RAPGEF5: variants seen among roughly 807,000 people sequenced by gnomAD.
RAPGEF5 encodes M-Ras-regulated GEF.
RAPGEF5 carries 65 observed loss-of-function variants against 125.2 expected under a neutral mutation model. The ratio of observed to expected loss-of-function variants is 0.52; its 90% confidence interval spans 0.43 to 0.64. The LOEUF is 0.64. RAPGEF5 is among the 30% of genes least tolerant of loss of function. The pLI is 0.00. For missense variants in RAPGEF5, 958 were observed against 1,048.1 expected, an observed-to-expected ratio of 0.91 and a Z score of 1.19; for synonymous variants, 391 against 385.9, an observed-to-expected ratio of 1.01 and a Z score of -0.16.
chr7:22,261,997 G>C (rs1025272748), intron 7 of RAPGEF5, among the ~76,000 whole-genome samples: 1 of 152,092 alleles, frequency 6.6e-6, no homozygotes, highest in African/African-American at 2.4e-5. Context: ...CTAGAGCTAG[G>C]TAAATAGTTC....
intron 10 of RAPGEF5, 173 bp downstream of exon 10, chr7:22,193,742 A>C (rs1196710108): frequency 1.9e-6 from 3 of 1,560,974 alleles, no homozygotes; most frequent in Admixed American, 1.9e-5. Context: ...AACTGAGTCC[A>C]TCTGGCTGCT....
intron 7 of RAPGEF5, among the ~76,000 whole-genome samples, chr7:22,256,086 TC>T (rs1410776899): frequency 6.6e-6 from 1 of 152,162 alleles, no homozygotes; most frequent in African/African-American, 2.4e-5. Context: ...CTGCTGGTGT[TC>T]TTTGTAGAGC....
At chr7:22,314,182 T>C (rs1172380280) in intron 3 of RAPGEF5, among the ~76,000 whole-genome samples, 1 of 152,140 alleles carries the variant, frequency 6.6e-6, no homozygotes, top group Non-Finnish European at 1.5e-5. Flanking sequence ...CAGAAGAATA[T>C]AGATTCTGCC....
chr7:22,254,439 T>C (rs1442408817), intron 7 of RAPGEF5, among the ~76,000 whole-genome samples: 2 of 150,192 alleles, frequency 1.3e-5, no homozygotes, highest in Non-Finnish European at 3.0e-5. Flanking sequence ...AGAAACCCCG[T>C]CTCTACTGAA....
intron 2 of RAPGEF5, among the ~76,000 whole-genome samples, chr7:22,316,460 C>CATATAT (rs757768702): frequency 5.4e-5 from 5 of 92,726 alleles, no homozygotes; most frequent in African/African-American, 1.8e-4. Context: ...TATACATAGA[C>CATATAT]ATATATATAT....
chr7:22,319,738 G>A (rs1783675804), intron 1 of RAPGEF5, among the ~76,000 whole-genome samples: 1 of 151,998 alleles, frequency 6.6e-6, no homozygotes, highest in South Asian at 2.1e-4. Flanking sequence ...AATCACTATG[G>A]CAGACCAGAA....
chr7:22,146,074 CAAGTCAT>C, intron 19 of RAPGEF5, among the ~76,000 whole-genome samples: 1 of 152,010 alleles, frequency 6.6e-6, no homozygotes, highest in Non-Finnish European at 1.5e-5. Flanking sequence ...TCCAAAGACA[CAAGTCAT>C]TTAGTCTGAA....
intron 6 of RAPGEF5, among the ~76,000 whole-genome samples, chr7:22,285,467 C>A (rs1453389656): frequency 6.6e-6 from 1 of 152,100 alleles, no homozygotes; most frequent in African/African-American, 2.4e-5. Flanking sequence ...ATTACTGAAC[C>A]AGTATCAATT....
intron 6 of RAPGEF5, among the ~76,000 whole-genome samples, chr7:22,281,929 A>C (rs1406180479): frequency 1.3e-5 from 2 of 152,316 alleles, no homozygotes; most frequent in African/African-American, 4.8e-5. Context: ...CCGGATACAC[A>C]GATTCTTTAT....
chr7:22,193,030 T>C (rs2128125820), intron 11 of RAPGEF5: 1 of 350,242 alleles, frequency 2.9e-6, no homozygotes, highest in Non-Finnish European at 5.2e-6. Flanking sequence ...ACCCTCCTCC[T>C]CCTTGTATTT....
chr7:22,172,258 G>A (rs1302296004), intron 11 of RAPGEF5, among the ~76,000 whole-genome samples: 2 of 151,856 alleles, frequency 1.3e-5, no homozygotes, highest in Admixed American at 6.6e-5. Flanking sequence ...GAGCAACTGG[G>A]ATTACAGGCA....
chr7:22,247,966 A>T (rs1302909767), intron 7 of RAPGEF5, among the ~76,000 whole-genome samples: 8 of 152,144 alleles, frequency 5.3e-5, no homozygotes, highest in Non-Finnish European at 1.2e-4. Flanking sequence ...GACACTGTAG[A>T]CTACTGGATG....
At chr7:22,151,681 C>G (rs1394049323) in intron 17 of RAPGEF5, among the ~76,000 whole-genome samples, 1 of 152,066 alleles carries the variant, frequency 6.6e-6, no homozygotes, top group Non-Finnish European at 1.5e-5. Context: ...CTAGGCTGAT[C>G]TTAGACTCCT....
intron 7 of RAPGEF5, among the ~76,000 whole-genome samples, chr7:22,241,818 T>C (rs1312372438): frequency 6.6e-6 from 1 of 152,178 alleles, no homozygotes. Context: ...AAGTCATTAA[T>C]ATTTATATTC....
intron 11 of RAPGEF5, among the ~76,000 whole-genome samples, chr7:22,185,093 T>G (rs967969712): frequency 6.6e-6 from 1 of 152,218 alleles, no homozygotes. Flanking sequence ...TTGAGTTGAA[T>G]GTAGATTTTT....
At chr7:22,311,591 G>A (rs1461701620) in intron 3 of RAPGEF5, among the ~76,000 whole-genome samples, 1 of 152,136 alleles carries the variant, frequency 6.6e-6, no homozygotes, top group African/African-American at 2.4e-5. Context: ...TTCATCAAAA[G>A]CTAGAATATA....
At chr7:22,306,824 T>G (rs1042617426) in intron 5 of RAPGEF5, among the ~76,000 whole-genome samples, 1 of 152,202 alleles carries the variant, frequency 6.6e-6, no homozygotes, top group African/African-American at 2.4e-5. Context: ...TCTTCCTCAG[T>G]GCATGTCTTG....
chr7:22,296,882 T>C (rs1374899106), intron 5 of RAPGEF5, among the ~76,000 whole-genome samples: 2 of 152,150 alleles, frequency 1.3e-5, no homozygotes, highest in African/African-American at 4.8e-5. Context: ...TTCCAGGACA[T>C]GATCAATTGT....
rs147259709 is a variant in RAPGEF5 at position 22,333,173 on chromosome 7, G to T, written c.232-15136C>A. Among the ~76,000 whole-genome samples, 26 of 152,176 alleles carry T rather than the reference G, an allele frequency of 1.7e-4. 1 individual carries two copies. In the East Asian group the frequency reaches 3.7e-3, roughly 21 times the overall value. On this transcript the variant is annotated intron_variant, in intron 1 of 25. Coordinates refer to ENST00000665637, the MANE Select transcript of RAPGEF5 (RefSeq NM_012294.5). ...CTGTCACGAAAAAAACTTTTTAAAA[G>T]TTCCTTTGAGTCTTCAGATCTTCAG...
Sources: gnomAD v4.1 joint callset for allele counts (sites outside exome capture counted in the v4.1 genomes callset) on GRCh38, gnomAD v4.1.1 for gene constraint, MANE v1.5 for transcripts, NCBI Gene and HGNC (gene_info 2026-07-23, HGNC 2026-07-21) for gene names.